The following SLFN12 variants were observed in gnomAD, a reference collection of about 807,000 sequenced individuals.
The protein encoded by SLFN12 is ribonuclease SLFN12.
A neutral mutation model predicts 29.1 loss-of-function variants in SLFN12; 25 were observed. The ratio of observed to expected loss-of-function variants is 0.86; its 90% CI spans 0.63 to 1.20. The LOEUF is 1.20. Among genes scored for constraint, SLFN12 ranks in the 50% most tolerant of loss-of-function variants. The probability of loss-of-function intolerance (pLI) is 0.00; values close to 1 mark genes in which losing one functional copy is unlikely to be tolerated. For missense variants in SLFN12, 660 were observed against 666.2 expected (o/e 0.99, Z 0.10); for synonymous variants, 257 against 238.7 (o/e 1.08, Z -0.71).
Position 35,422,156 on chromosome 17 carries a change from T to C in SLFN12, c.873A>G (p.Gly291=), listed in dbSNP as rs1421747048. 4 of 1,614,086 alleles carry C rather than the reference T, an allele frequency of 2.5e-6. No individual in the cohort carries two copies. The Admixed American group carries it at 6.7e-5, about 27-fold the overall frequency. ...CACAAAGACTTCCTTTATCATATAC[T>C]CCAAGGAATTTGCATGAATAATTTA... The part of the protein sequence containing the change: ...KKINYSCKFL[G]VYDKGSLCGY... Residue 291 remains glycine (G), a synonymous_variant, in exon 2 of 4, where the codon GGA becomes GGG. Coordinates refer to ENST00000304905, the MANE Select transcript of SLFN12 (RefSeq NM_018042.5).
chr17:35,423,779 G>A (rs1184745353), intron 1 of SLFN12, among the ~76,000 whole-genome samples: 1 of 152,082 alleles, frequency 6.6e-6, no homozygotes, highest in Non-Finnish European at 1.5e-5. Context: ...AGGTTTTTGG[G>A]AAGTGATCAG....
chr17:35,420,416 A>G, intron 2 of SLFN12, 35 bp from the exon 3 acceptor site: 2 of 1,415,758 alleles, frequency 1.4e-6, no homozygotes, highest in East Asian at 2.3e-5. Flanking sequence ...TTAATTTCGC[A>G]GAAGGGAGAC....
chr17:35,413,359 C>CA (rs957749605), intron 3 of SLFN12, among the ~76,000 whole-genome samples: 21 of 150,496 alleles, frequency 1.4e-4, no homozygotes, highest in East Asian at 7.8e-4. Flanking sequence ...AAGGACACTA[C>CA]AAAAAAAAAG....
At chr17:35,419,691 T>C (rs753250720) in intron 3 of SLFN12, among the ~76,000 whole-genome samples, 1 of 152,130 alleles carries the variant, frequency 6.6e-6, no homozygotes, top group Admixed American at 6.5e-5. Context: ...TAACATGACC[T>C]ATCTACTTTC....
chr17:35,426,375 C>T (rs927871053), intron 1 of SLFN12, among the ~76,000 whole-genome samples: 3 of 152,082 alleles, frequency 2.0e-5, no homozygotes, highest in Admixed American at 6.5e-5. Flanking sequence ...ACTGCCCAGG[C>T]CAATGTCTTG....
At chr17:35,428,884 T>G (rs1191016011) in intron 1 of SLFN12, among the ~76,000 whole-genome samples, 1 of 152,100 alleles carries the variant, frequency 6.6e-6, no homozygotes, top group Non-Finnish European at 1.5e-5. Flanking sequence ...TCATATTTCT[T>G]GCACATGAGG....
Position 35,411,322 on chromosome 17 carries a change from C to T in SLFN12, c.*16G>A, listed in dbSNP as rs771730697. 3.5e-6 allele frequency: 5 copies of T among 1,437,884 alleles called. No individual in the cohort carries two copies. The highest frequency in any genetic ancestry group is 2.2e-5 in the Admixed American group (1 of 44,726). The allele number at this position is 1,437,884 out of a possible 1,614,324, so 89.1% of individuals were successfully genotyped here. ...TATATAATGAAAAATATCTCAGTAG[C>T]CCAGTCCATTTTCCATCAGGTGAGC... On this transcript the variant is annotated 3_prime_UTR_variant, in exon 4 of 4. Coordinates refer to ENST00000304905, the MANE Select transcript of SLFN12 (RefSeq NM_018042.5).
chr17:35,411,346 G>A lies in SLFN12; in HGVS notation c.1729C>T (p.Leu577Phe). ...DKKMFKSCRRLT is the reference protein window; with the variant it reads ...DKKMFKSCRRFT ...GCCCAGTCCATTTTCCATCAGGTGA[G>A]CCTTCGACAAGATTTAAACATCTTT... The change falls in exon 4 of 4, where the codon CTC becomes TTC. Residue 577 changes from leucine (L) to phenylalanine (F), a missense_variant. Physicochemically the swap from Leu to Phe is conservative, Grantham distance 22 (BLOSUM62 0). Transcript: ENST00000304905. The A allele has an allele frequency of 6.5e-7, 1 of 1,535,922 alleles. No individual in the cohort carries two copies. Among genetic ancestry groups the A allele is most frequent in the Non-Finnish European group, 8.7e-7 (1 of 1,143,438 alleles).
At chr17:35,416,705 C>G (rs1440149612) in intron 3 of SLFN12, among the ~76,000 whole-genome samples, 3 of 152,042 alleles carry the variant, frequency 2.0e-5, no homozygotes, top group African/African-American at 7.2e-5. Flanking sequence ...TTAAAAATAT[C>G]TTACCAAAAT....
chr17:35,420,234 A>G, intron 3 of SLFN12, 40 bp downstream of exon 3: 1 of 1,408,066 alleles, frequency 7.1e-7, no homozygotes. Context: ...GTTTGACTAC[A>G]GTCACACTAA....
intron 1 of SLFN12, among the ~76,000 whole-genome samples, chr17:35,428,511 C>G (rs144289218): frequency 1.2e-4 from 18 of 152,226 alleles, no homozygotes; most frequent in Non-Finnish European, 1.6e-4. Flanking sequence ...TAGAAAGCAG[C>G]ATCTTTCCCT....
chr17:35,417,872 C>A (rs1027443119), intron 3 of SLFN12, among the ~76,000 whole-genome samples: 1 of 151,460 alleles, frequency 6.6e-6, no homozygotes, highest in African/African-American at 2.4e-5. Flanking sequence ...ATCTTTACAA[C>A]AACAAAAATA....
rs904455026 is a variant in SLFN12 at position 35,422,030 on chromosome 17, G to C, written c.999C>G (p.Thr333=). The change falls in exon 2 of 4, where the codon ACC becomes ACG. Residue 333 remains threonine (T), a synonymous_variant. Coordinates refer to ENST00000304905, the MANE Select transcript of SLFN12 (RefSeq NM_018042.5). ...HVKDNRVMQL[T]RKEWIQFMVE... ...CCATGAACTGGATCCATTCCTTCCTGGTCAACTGCATCACACGGTTATCTT... is the reference window on the plus strand; with the variant it reads ...CCATGAACTGGATCCATTCCTTCCTCGTCAACTGCATCACACGGTTATCTT... 12 of 1,613,868 alleles carry C rather than the reference G, an allele frequency of 7.4e-6. No homozygotes were observed. The Admixed American group carries it at 8.3e-5, about 11-fold the overall frequency.
chr17:35,425,838 C>CTTTTTTTTTTTTTTTTTTTTTTTT lies in SLFN12; in HGVS notation c.-40-2794_-40-2771dup, dbSNP rs58492425. Among the ~76,000 whole-genome samples the CTTTTTTTTTTTTTTTTTTTTTTTT allele has an allele frequency of 1.9e-3, 74 of 39,148 alleles. 11 individuals are homozygous for CTTTTTTTTTTTTTTTTTTTTTTTT. Among genetic ancestry groups the CTTTTTTTTTTTTTTTTTTTTTTTT allele is most frequent in the African/African-American group, 2.7e-3 (24 of 8,964 alleles). The allele number at this position is 39,148 out of a possible 152,430, so 25.7% of individuals were successfully genotyped here. ...GGTTCTTTTTCTTTTCTTTTCTTTT[C>CTTTTTTTTTTTTTTTTTTTTTTTT]TTTTTTTTTTTTTTTTTTTTTTTTT... On this transcript the variant is annotated intron_variant, in intron 1 of 3. Coordinates refer to ENST00000304905, the MANE Select transcript of SLFN12 (RefSeq NM_018042.5).
Position 35,420,295 on chromosome 17 carries a change from GTTGCCA to G in SLFN12, c.1120_1125del (p.Trp374_Gln375del). ...TTACCTGGACAGTGATGTCTCTGCC[GTTGCCA>G]TTCCAAAAGAGGCCAACTGTGGGGA... is the stretch of plus-strand genomic sequence containing the variant. On this transcript the variant is annotated inframe_deletion, in exon 3 of 4. Coordinates refer to ENST00000304905, the MANE Select transcript of SLFN12 (RefSeq NM_018042.5). The G allele has an allele frequency of 6.2e-7, 1 of 1,612,818 alleles. No individual in the cohort carries two copies. The highest frequency in any genetic ancestry group is 2.2e-5 in the East Asian group (1 of 44,854).
Position 35,422,107 on chromosome 17 carries a change from C to G in SLFN12, c.922G>C (p.Glu308Gln), listed in dbSNP as rs761129234. Residue 308 changes from glutamate (E) to glutamine (Q), a missense_variant, in exon 2 of 4, where the codon GAG becomes CAG. Physicochemically the swap from Glu to Gln is conservative, Grantham distance 29 (BLOSUM62 2). Coordinates refer to ENST00000304905, the MANE Select transcript of SLFN12 (RefSeq NM_018042.5). ...LCGYVCALRV[E>Q]RFCCAVFAKE... Reference sequence around the variant, plus strand: ...GCAAACACTGCACAGCAGAAGCGCTCCACTCTGAGTGCACAGACATATCCA... The same window carrying G: ...GCAAACACTGCACAGCAGAAGCGCTGCACTCTGAGTGCACAGACATATCCA... 7.0e-5 allele frequency: 113 copies of G among 1,613,998 alleles called. 1 individual carries two copies. Among genetic ancestry groups the G allele is most frequent in the South Asian group, 5.9e-4 (54 of 91,088 alleles).
intron 1 of SLFN12, among the ~76,000 whole-genome samples, chr17:35,429,168 A>G (rs1005915177): frequency 7.2e-5 from 11 of 151,974 alleles, no homozygotes; most frequent in Non-Finnish European, 1.3e-4. Context: ...TTTTTGCCTA[A>G]CCCACCATAC....
chr17:35,428,406 T>C (rs1417955365), intron 1 of SLFN12, among the ~76,000 whole-genome samples: 1 of 151,986 alleles, frequency 6.6e-6, no homozygotes, highest in Non-Finnish European at 1.5e-5. Flanking sequence ...GGGAAGAGGA[T>C]GTGGTCTAAA....
At chr17:35,415,126 A>G (rs1665076683) in intron 3 of SLFN12, among the ~76,000 whole-genome samples, 1 of 152,150 alleles carries the variant, frequency 6.6e-6, no homozygotes, top group Admixed American at 6.5e-5. Flanking sequence ...CTACAAAGCT[A>G]TAGTTACCAA....
Sources: allele counts gnomAD v4.1 joint callset (sites outside exome capture counted in the v4.1 genomes callset), GRCh38; gene constraint gnomAD v4.1.1; transcripts MANE v1.5; gene names NCBI Gene and HGNC (gene_info 2026-07-23, HGNC 2026-07-21).